The following ERAP1 variants were observed in gnomAD, a reference collection of about 807,000 sequenced individuals.
ERAP1 encodes the protein endoplasmic reticulum aminopeptidase 1, also known as adipocyte-derived leucine aminopeptidase.
Under a neutral mutation model 103.7 loss-of-function variants are expected in ERAP1, and 86 were observed. That is an observed-to-expected ratio of 0.83 (90% CI 0.70 to 0.99). The LOEUF is 0.99. Ranked by LOEUF, ERAP1 falls within the 50% of genes least tolerant of loss-of-function variation. The pLI is 0.00. For missense variants in ERAP1, 1,009 were observed against 1,128.4 expected (o/e 0.89, Z 1.52); for synonymous variants, 398 against 402.4 (o/e 0.99, Z 0.13).
intron 5 of ERAP1, among the ~76,000 whole-genome samples, 193 bp downstream of exon 5, chr5:96,794,848 AC>A (rs1330042746): frequency 1.3e-5 from 2 of 152,200 alleles, no homozygotes; most frequent in African/African-American, 4.8e-5. Context: ...TGCTTTCTTC[AC>A]TATCACTAGA....
chr5:96,882,025 C>T, the ERAP1 span, among the ~76,000 whole-genome samples: 2 of 152,290 alleles, frequency 1.3e-5, no homozygotes, highest in East Asian at 1.9e-4. Context: ...CTGCTCTTCC[C>T]TTCCCCACTT....
chr5:96,822,523 T>C, the ERAP1 span, among the ~76,000 whole-genome samples: 1 of 152,296 alleles, frequency 6.6e-6, no homozygotes, highest in South Asian at 2.1e-4. Flanking sequence ...TCTTAGGTAG[T>C]GTGATGGTTA....
the ERAP1 span, chr5:96,883,887 T>C: frequency 1.9e-6 from 3 of 1,613,626 alleles, no homozygotes. Context: ...TCAATCAAGA[T>C]ACGAAGAGAG....
the ERAP1 span, among the ~76,000 whole-genome samples, chr5:96,874,439 T>G: frequency 6.6e-6 from 1 of 152,184 alleles, no homozygotes; most frequent in Non-Finnish European, 1.5e-5. Flanking sequence ...ACAGAAATAC[T>G]CCCAGCCTCC....
the ERAP1 span, among the ~76,000 whole-genome samples, chr5:96,860,711 T>A: frequency 6.6e-6 from 1 of 152,120 alleles, no homozygotes; most frequent in East Asian, 1.9e-4. Flanking sequence ...TTGGCTAGAA[T>A]TCAGGGGAGT....
At chr5:96,841,775 C>CA in the ERAP1 span, among the ~76,000 whole-genome samples, 1 of 60,212 alleles carries the variant, frequency 1.7e-5, no homozygotes, top group Non-Finnish European at 3.7e-5. Context: ...TTGAGCATTA[C>CA]TCATTTTACT....
downstream of ERAP1, chr5:96,769,493 T>C (rs1192480130): frequency 1.3e-5 from 2 of 151,810 alleles, no homozygotes; most frequent in Admixed American, 6.6e-5. Context: ...ATATTTGAGG[T>C]TTACAACATG....
chr5:96,927,794 T>A, the ERAP1 span, among the ~76,000 whole-genome samples: 1 of 152,250 alleles, frequency 6.6e-6, no homozygotes. Context: ...GGATTATTTA[T>A]CTTTTATCAT....
chr5:96,780,510 G>A lies in ERAP1; in HGVS notation c.2589-6C>T. ...AAGATGAGCCAAGTTCAAACCTAGA[G>A]AGGGAAATATTCAAAAACGGGTTGT... is the stretch of plus-strand genomic sequence containing the variant. On this transcript the variant is annotated splice_region_variant and splice_polypyrimidine_tract_variant and intron_variant, in intron 17 of 18. Transcript: ENST00000443439. The A allele has an allele frequency of 1.2e-6, 2 of 1,607,752 alleles. No homozygotes were observed. The highest frequency in any genetic ancestry group is 1.3e-5 in the African/African-American group (1 of 74,828).
intron 13 of ERAP1, chr5:96,785,523 G>GT (rs1775878328): frequency 4.5e-6 from 2 of 448,542 alleles, no homozygotes; most frequent in African/African-American, 4.0e-5. Context: ...TGATCTCCTG[G>GT]TTATCTACAC....
At chr5:96,836,950 T>C in the ERAP1 span, among the ~76,000 whole-genome samples, 1 of 152,206 alleles carries the variant, frequency 6.6e-6, no homozygotes, top group Non-Finnish European at 1.5e-5. Flanking sequence ...TCACTGAAAA[T>C]TAAATTTTTA....
chr5:96,801,429 G>T (rs1022050104), intron 2 of ERAP1, among the ~76,000 whole-genome samples: 1 of 150,642 alleles, frequency 6.6e-6, no homozygotes, highest in Non-Finnish European at 1.5e-5. Flanking sequence ...TTGCACTCCA[G>T]CCTGGGCGAC....
chr5:96,896,114 T>C, the ERAP1 span, among the ~76,000 whole-genome samples: 1 of 152,158 alleles, frequency 6.6e-6, no homozygotes, highest in East Asian at 1.9e-4. Context: ...TTTATTTCTG[T>C]ATTCAAGGGC....
At chr5:96,766,058 A>C in intron 19 of ERAP1, 1 of 1,590,082 alleles carries the variant, frequency 6.3e-7, no homozygotes, top group South Asian at 1.1e-5. Context: ...TATAGGAAAA[A>C]GCTAAAGCTG....
chr5:96,879,390 T>C, the ERAP1 span, among the ~76,000 whole-genome samples: 1 of 152,246 alleles, frequency 6.6e-6, no homozygotes, highest in South Asian at 2.1e-4. Flanking sequence ...AAAGGGTTTT[T>C]ATTTGTAATA....
At chr5:96,878,614 T>C in the ERAP1 span, among the ~76,000 whole-genome samples, 1 of 151,332 alleles carries the variant, frequency 6.6e-6, no homozygotes, top group Non-Finnish European at 1.5e-5. Flanking sequence ...GGCAACATGG[T>C]GACACATTGT....
chr5:96,913,494 T>C, the ERAP1 span: 3 of 1,610,244 alleles, frequency 1.9e-6, no homozygotes, highest in Admixed American at 3.3e-5. Flanking sequence ...TGTTCTTCCA[T>C]GCAGATGTCT....
At chr5:96,763,184 A>C (rs1298264892) in exon 20 of ERAP1, 1 of 780,742 alleles carries the variant, frequency 1.3e-6, no homozygotes, top group Admixed American at 1.7e-5. Context: ...CTGTAGTCTG[A>C]GATTCTGATG....
the ERAP1 span, among the ~76,000 whole-genome samples, chr5:96,866,084 A>G: frequency 6.6e-6 from 1 of 152,220 alleles, no homozygotes; most frequent in Non-Finnish European, 1.5e-5. Flanking sequence ...AAAAGGAGCC[A>G]TTTAAAAATG....
Sources: allele counts gnomAD v4.1 joint callset (sites outside exome capture counted in the v4.1 genomes callset), GRCh38; gene constraint gnomAD v4.1.1; transcripts MANE v1.5; gene names NCBI Gene and HGNC (gene_info 2026-07-23, HGNC 2026-07-21).